HAUS6: variants seen among roughly 807,000 people sequenced by gnomAD.
HAUS6 encodes the protein HAUS augmin-like complex subunit 6.
HAUS6 carries 80 observed loss-of-function variants against 106.8 expected under a neutral mutation model. The observed-to-expected ratio is 0.75, with a 90% CI of 0.63 to 0.90. HAUS6 has a LOEUF of 0.90. Ranked by LOEUF, HAUS6 falls within the 40% of genes least tolerant of loss-of-function variation. The probability of loss-of-function intolerance (pLI) is 0.00; values close to 1 mark genes in which losing one functional copy is unlikely to be tolerated. For synonymous variants in HAUS6, 356 were observed against 379.1 expected, an observed-to-expected ratio of 0.94 and a Z score of 0.71; for missense variants, 1,155 against 1,118.1, an observed-to-expected ratio of 1.03 and a Z score of -0.47.
At chr9:19,102,343 ACTGT>A (rs1244421991) in intron 1 of HAUS6, among the ~76,000 whole-genome samples, 177 bp downstream of exon 1, 10 of 152,052 alleles carry the variant, frequency 6.6e-5, no homozygotes, top group Admixed American at 2.0e-4. Context: ...TGCATTATTT[ACTGT>A]CTGTCTCTGC....
At chr9:19,097,604 G>GTGC (rs1308316492) in intron 1 of HAUS6, among the ~76,000 whole-genome samples, 2 of 152,042 alleles carry the variant, frequency 1.3e-5, no homozygotes, top group East Asian at 3.9e-4. Flanking sequence ...GAAACAACAG[G>GTGC]TGCTGGAAAG....
At chr9:19,078,126 A>G (rs1053021041) in intron 10 of HAUS6, 50 bp downstream of exon 10, 1 of 1,521,146 alleles carries the variant, frequency 6.6e-7, no homozygotes, top group Admixed American at 2.0e-5. Context: ...CTCAAAAAAA[A>G]AAAAAAAGGT....
intron 12 of HAUS6, among the ~76,000 whole-genome samples, chr9:19,068,959 G>A (rs893164888): frequency 6.6e-6 from 1 of 152,124 alleles, no homozygotes; most frequent in African/African-American, 2.4e-5. Context: ...GTTAAATCTG[G>A]TGGTTATAGT....
Position 19,063,106 on chromosome 9 carries a change from C to T in HAUS6, c.1531G>A (p.Asp511Asn), listed in dbSNP as rs1443985735. 1 of 1,605,488 alleles carries T rather than the reference C, an allele frequency of 6.2e-7. No individual in the cohort carries two copies. The highest frequency in any genetic ancestry group is 8.5e-7 in the Non-Finnish European group (1 of 1,173,880). The change falls in exon 14 of 17, where the codon GAT becomes AAT. Residue 511 changes from aspartate to asparagine, a missense_variant. By Grantham distance (23) the Asp-to-Asn change is conservative (BLOSUM62 1). Coordinates refer to ENST00000380502, the MANE Select transcript of HAUS6 (RefSeq NM_017645.5). Reference protein sequence around the residue: ...EFEVENSPLSDVAKNTESSAF... With the variant: ...EFEVENSPLSNVAKNTESSAF... ...CTACTCTCTGTATTCTTTGCAACAT[C>T]TGATAATGGAGAATTTTCCACTTCA...
At chr9:19,083,817 AT>A (rs34153754) in intron 7 of HAUS6, among the ~76,000 whole-genome samples, 116,037 of 144,758 alleles carry the variant, frequency 0.8, 46,637 homozygotes, top group African/African-American at 0.86. Context: ...AAAAAAAAAA[AT>A]TTTTTTTCAA....
chr9:19,081,465 G>A (rs1468113003), intron 8 of HAUS6, among the ~76,000 whole-genome samples: 1 of 151,338 alleles, frequency 6.6e-6, no homozygotes. Flanking sequence ...TTTTGAGGCA[G>A]AATCCCACTC....
intron 4 of HAUS6, among the ~76,000 whole-genome samples, chr9:19,091,300 CG>C (rs1285600951): frequency 1.8e-5 from 2 of 112,986 alleles, no homozygotes; most frequent in Admixed American, 1.9e-4. Context: ...ACTTCGTCTG[CG>C]AAAAAAAAAA....
At chr9:19,094,143 G>C (rs955932206) in intron 3 of HAUS6, among the ~76,000 whole-genome samples, 174 bp downstream of exon 3, 1 of 152,118 alleles carries the variant, frequency 6.6e-6, no homozygotes, top group African/African-American at 2.4e-5. Flanking sequence ...TGGTTTCTTC[G>C]AAATATATAG....
At chr9:19,072,654 A>G (rs1056942041) in intron 11 of HAUS6, among the ~76,000 whole-genome samples, 3 of 152,208 alleles carry the variant, frequency 2.0e-5, no homozygotes, top group African/African-American at 7.2e-5. Flanking sequence ...CAACTAAACT[A>G]TCATTCAAAA....
intron 5 of HAUS6, among the ~76,000 whole-genome samples, 184 bp downstream of exon 5, chr9:19,089,228 G>A (rs566743468): frequency 7.2e-5 from 11 of 152,008 alleles, no homozygotes; most frequent in Non-Finnish European, 1.6e-4. Context: ...AGGAGCCTGG[G>A]TGACAGAACC....
chr9:19,078,516 A>G (rs971428569), intron 9 of HAUS6, among the ~76,000 whole-genome samples: 2 of 152,172 alleles, frequency 1.3e-5, no homozygotes, highest in African/African-American at 4.8e-5. Context: ...GGCCGGGGGC[A>G]GTGTCTCATG....
At chr9:19,057,204 A>T (rs1278215060) in intron 16 of HAUS6, 1 of 152,330 alleles carries the variant, frequency 6.6e-6, no homozygotes, top group Non-Finnish European at 1.5e-5. Context: ...GTCATTACAG[A>T]TATAATTAGC....
chr9:19,099,989 T>C (rs933907448), intron 1 of HAUS6, among the ~76,000 whole-genome samples: 3 of 152,118 alleles, frequency 2.0e-5, no homozygotes, highest in Admixed American at 6.6e-5. Flanking sequence ...GTCAGGAATT[T>C]AAGATTCCGC....
rs746799092 is a variant in HAUS6, at chr9:19,086,776, T to C, written c.657A>G (p.Glu219=). The C allele has an allele frequency of 1.7e-6, 2 of 1,173,966 alleles. No homozygotes were observed. Among genetic ancestry groups the C allele is most frequent in the South Asian group, 2.6e-5 (2 of 75,554 alleles). 72.7% of individuals were successfully genotyped at this position (1,173,966 alleles called of 1,614,324 possible). A position where few individuals can be genotyped will look rare whatever the true frequency, so the allele number is the denominator to read the frequency against. Residue 219 remains glutamate, a synonymous_variant, in exon 7 of 17, where the codon GAA becomes GAG. Transcript: ENST00000380502. Reference sequence around the variant, plus strand: ...CCATATTACTGTGGTCATCATAGGGTTCCATTCTAATAAAAATTAAATAAT... The same window carrying C: ...CCATATTACTGTGGTCATCATAGGGCTCCATTCTAATAAAAATTAAATAAT... ...IGLENQIKKM[E]PYDDHSNMEE...
intron 12 of HAUS6, among the ~76,000 whole-genome samples, chr9:19,069,166 C>G (rs537660057): frequency 9.4e-4 from 143 of 152,232 alleles, no homozygotes; most frequent in Middle Eastern, 3.4e-3. Flanking sequence ...TGAAAACTAT[C>G]TGGACAAGAT....
At chr9:19,092,305 A>G (rs1817769364) in intron 4 of HAUS6, among the ~76,000 whole-genome samples, 1 of 141,700 alleles carries the variant, frequency 7.1e-6, no homozygotes, top group African/African-American at 2.5e-5. Context: ...AAAAAAAAAC[A>G]ACAACAAAAG....
intron 11 of HAUS6, among the ~76,000 whole-genome samples, chr9:19,071,172 G>C (rs1052467359): frequency 3.9e-5 from 6 of 152,216 alleles, no homozygotes; most frequent in African/African-American, 1.4e-4. Context: ...AAGGATTACA[G>C]AGGTAAAAAG....
At position 19,080,672 on chromosome 9, in the gene HAUS6, A is replaced by C; in HGVS notation, c.871T>G (p.Leu291Val). The C allele has an allele frequency of 6.3e-7, 1 of 1,593,086 alleles. No homozygotes were observed. Among genetic ancestry groups the C allele is most frequent in the Non-Finnish European group, 8.6e-7 (1 of 1,164,370 alleles). ...GCCTCATAAACATTTCCTATGTGCA[A>C]CTAAGGAATCAGGAGGAGAAAAAAA... ...LDKIEKQMFQ[L>V]HIGNVYEAGK... Residue 291 changes from leucine to valine, a missense_variant and splice_region_variant, in exon 9 of 17, where the codon TTG becomes GTG. Around this residue, in one of 3 missense-constraint regions of HAUS6, gnomAD observed 761 missense variants for 690.0 expected, o/e 1.10. Transcript: ENST00000380502.
intron 12 of HAUS6, among the ~76,000 whole-genome samples, chr9:19,064,222 C>G (rs1246704382): frequency 6.6e-6 from 1 of 152,148 alleles, no homozygotes; most frequent in Non-Finnish European, 1.5e-5. Flanking sequence ...CCACCTTGGC[C>G]TCCCAAAGTC....
Sources: gnomAD v4.1 joint callset for allele counts (sites outside exome capture counted in the v4.1 genomes callset) on GRCh38, gnomAD v4.1.1 for gene constraint, gnomAD v4.1.1 regional missense constraint, MANE v1.5 for transcripts, NCBI Gene and HGNC (gene_info 2026-07-23, HGNC 2026-07-21) for gene names.